Variants in ANXA8 observed in about 807,000 individuals in gnomAD.
The protein encoded by ANXA8 is annexin A8.
Under a neutral mutation model 26.8 loss-of-function variants are expected in ANXA8, and 9 were observed. The ratio of observed to expected loss-of-function variants is 0.34; its 90% confidence interval spans 0.20 to 0.59. The LOEUF (loss-of-function observed/expected upper bound fraction) is 0.59, where lower values mean the gene tolerates loss of function less well. ANXA8 is among the 20% of genes least tolerant of loss of function. The pLI is 0.84. For synonymous variants in ANXA8, 39 were observed against 94.8 expected, an observed-to-expected ratio of 0.41 and a Z score of 3.42; for missense variants, 83 against 238.5, an observed-to-expected ratio of 0.35 and a Z score of 4.29.
At chr10:47,621,626 C>A in the ANXA8 span, among the ~76,000 whole-genome samples, 1 of 107,744 alleles carries the variant, frequency 9.3e-6, no homozygotes, top group Non-Finnish European at 2.0e-5. Flanking sequence ...TTTGTTCTAG[C>A]GGATTACTGT....
At chr10:47,623,033 G>GT in the ANXA8 span, among the ~76,000 whole-genome samples, 37 of 112,700 alleles carry the variant, frequency 3.3e-4, 7 homozygotes, top group African/African-American at 1.2e-3. Flanking sequence ...TTTGTTTGTA[G>GT]TTTTTTTGCT....
the ANXA8 span, among the ~76,000 whole-genome samples, chr10:47,727,218 A>C: frequency 6.6e-6 from 1 of 152,300 alleles, no homozygotes; most frequent in Admixed American, 6.5e-5. Context: ...ATTTTACTTA[A>C]CTCTAGTTTT....
chr10:47,987,056 G>A, the ANXA8 span: 6 of 478,896 alleles, frequency 1.3e-5, no homozygotes, highest in Admixed American at 2.7e-5. Flanking sequence ...CCGGGAAGAG[G>A]AGTAGGGGCT....
chr10:47,652,329 G>C, the ANXA8 span, among the ~76,000 whole-genome samples: 733 of 151,652 alleles, frequency 4.8e-3, 3 homozygotes, highest in Non-Finnish European at 7.8e-3. Flanking sequence ...CGAGTGCAGT[G>C]GCTGAAGCCT....
chr10:47,905,733 C>A, the ANXA8 span, among the ~76,000 whole-genome samples: 4 of 143,788 alleles, frequency 2.8e-5, 1 homozygote, highest in African/African-American at 5.4e-5. Flanking sequence ...AGGATAGAAC[C>A]CAGGCTGCCA....
chr10:47,510,915 T>TATTA, the ANXA8 span, among the ~76,000 whole-genome samples: 832 of 130,876 alleles, frequency 6.4e-3, 37 homozygotes, highest in Non-Finnish European at 9.5e-3. Flanking sequence ...CAAGAATTTC[T>TATTA]ATTAATTAAT....
chr10:47,593,258 G>A, the ANXA8 span, among the ~76,000 whole-genome samples: 1 of 149,342 alleles, frequency 6.7e-6, no homozygotes, highest in African/African-American at 2.6e-5. Context: ...CCATCCCTAA[G>A]GGAAGGGGGA....
At chr10:47,665,532 A>T in the ANXA8 span, among the ~76,000 whole-genome samples, 3 of 150,688 alleles carry the variant, frequency 2.0e-5, no homozygotes, top group Admixed American at 2.0e-4. Context: ...TTATTCCTTA[A>T]ATGAATATTT....
chr10:47,981,875 T>C, the ANXA8 span, among the ~76,000 whole-genome samples: 1 of 152,168 alleles, frequency 6.6e-6, no homozygotes, highest in Non-Finnish European at 1.5e-5. Flanking sequence ...GTCTACAGAT[T>C]CAATGCAATC....
chr10:47,575,215 A>AAAAAG, the ANXA8 span, among the ~76,000 whole-genome samples: 4 of 110,676 alleles, frequency 3.6e-5, no homozygotes, highest in East Asian at 2.4e-4. Context: ...AAAAAAAAAA[A>AAAAAG]AAAGAAAGAA....
At chr10:47,747,107 G>A in the ANXA8 span, among the ~76,000 whole-genome samples, 1 of 146,082 alleles carries the variant, frequency 6.8e-6, no homozygotes, top group East Asian at 2.1e-4. Context: ...GAGGCAAGCT[G>A]GCCCTCTGTG....
At chr10:47,657,805 TA>T in the ANXA8 span, among the ~76,000 whole-genome samples, 7 of 150,304 alleles carry the variant, frequency 4.7e-5, no homozygotes, top group South Asian at 1.5e-3. Context: ...TATTAAGAGT[TA>T]AAACCAGTTT....
At chr10:47,575,090 G>T in the ANXA8 span, among the ~76,000 whole-genome samples, 1 of 135,180 alleles carries the variant, frequency 7.4e-6, no homozygotes, top group Non-Finnish European at 1.6e-5. Context: ...TGTAATCCCA[G>T]CTACTCAGGA....
the ANXA8 span, among the ~76,000 whole-genome samples, chr10:47,756,936 CG>C: frequency 7.1e-6 from 1 of 140,242 alleles, no homozygotes; most frequent in Admixed American, 7.1e-5. Flanking sequence ...GACGCTGCCT[CG>C]GGAAACAGGA....
At chr10:47,734,888 G>GTA in the ANXA8 span, among the ~76,000 whole-genome samples, 1 of 126,034 alleles carries the variant, frequency 7.9e-6, no homozygotes, top group Admixed American at 7.8e-5. Context: ...GCGTGGTGGT[G>GTA]CACACCTGTA....
chr10:47,686,263 G>C, the ANXA8 span, among the ~76,000 whole-genome samples: 1 of 140,030 alleles, frequency 7.1e-6, no homozygotes, highest in Non-Finnish European at 1.5e-5. Flanking sequence ...GAGTCACCCA[G>C]ACTGGAGTGC....
the ANXA8 span, among the ~76,000 whole-genome samples, chr10:47,631,963 G>A: frequency 1.3e-5 from 2 of 151,920 alleles, no homozygotes; most frequent in Non-Finnish European, 2.9e-5. Context: ...ACATATTATA[G>A]TGCCCATTTA....
At chr10:47,490,469 G>A in the ANXA8 span, 2 of 152,778 alleles carry the variant, frequency 1.3e-5, no homozygotes, top group African/African-American at 2.4e-5. Flanking sequence ...CCGAGTTCTG[G>A]GAGCCCACGC....
the ANXA8 span, among the ~76,000 whole-genome samples, chr10:47,587,350 A>G: frequency 3.4e-5 from 5 of 148,566 alleles, no homozygotes; most frequent in African/African-American, 1.3e-4. Context: ...ATTTTCATAC[A>G]TTTGGGGGTA....
Sources: allele counts gnomAD v4.1 joint callset (sites outside exome capture counted in the v4.1 genomes callset), GRCh38; gene constraint gnomAD v4.1.1; transcripts MANE v1.5; gene names NCBI Gene and HGNC (gene_info 2026-07-23, HGNC 2026-07-21).